The following CNNM2 variants were observed in gnomAD, a reference collection of about 807,000 sequenced individuals.
The protein encoded by CNNM2 is cyclin and CBS domain divalent metal cation transport mediator 2.
CNNM2 carries 12 observed loss-of-function variants against 66.9 expected under a neutral mutation model. The observed-to-expected ratio is 0.18, with a 90% CI of 0.11 to 0.29. CNNM2 has a LOEUF of 0.29. CNNM2 is among the 10% of genes least tolerant of loss of function. The pLI, the probability that CNNM2 is intolerant of heterozygous loss-of-function variation, is 1.00. For synonymous variants in CNNM2, 557 were observed against 501.8 expected, an observed-to-expected ratio of 1.11 and a Z score of -1.47; for missense variants, 705 against 1,167.7, an observed-to-expected ratio of 0.60 and a Z score of 5.77.
chr10:103,034,102 C>T (rs890890112), intron 1 of CNNM2, among the ~76,000 whole-genome samples: 1 of 151,444 alleles, frequency 6.6e-6, no homozygotes, highest in Admixed American at 6.6e-5. Flanking sequence ...ATTAATTTTC[C>T]TTCTAATATC....
At chr10:103,016,298 C>G (rs1218210321) in intron 1 of CNNM2, among the ~76,000 whole-genome samples, 1 of 152,142 alleles carries the variant, frequency 6.6e-6, no homozygotes, top group Admixed American at 6.5e-5. Context: ...TCTAAAAGAT[C>G]TCTTTTTAAT....
chr10:102,983,213 T>C (rs2063743199), intron 1 of CNNM2, among the ~76,000 whole-genome samples: 1 of 151,532 alleles, frequency 6.6e-6, no homozygotes, highest in Non-Finnish European at 1.5e-5. Context: ...ACAAGTTTTT[T>C]TGTGTTTTGC....
intron 1 of CNNM2, among the ~76,000 whole-genome samples, chr10:103,015,384 C>A (rs1425819292): frequency 1.3e-5 from 2 of 152,286 alleles, no homozygotes; most frequent in Admixed American, 1.3e-4. Flanking sequence ...TCTGCAGACC[C>A]TACTCAAACT....
At chr10:102,955,624 A>G (rs1451351223) in intron 1 of CNNM2, among the ~76,000 whole-genome samples, 1 of 152,240 alleles carries the variant, frequency 6.6e-6, no homozygotes, top group Non-Finnish European at 1.5e-5. Flanking sequence ...CAATCTACCC[A>G]TCTGACAAAG....
At chr10:102,963,765 T>C (rs1186220834) in intron 1 of CNNM2, among the ~76,000 whole-genome samples, 1 of 152,242 alleles carries the variant, frequency 6.6e-6, no homozygotes, top group East Asian at 1.9e-4. Context: ...GTGGGGCATA[T>C]TGAAGTTGCT....
At chr10:103,043,382 C>T (rs2134320683) in intron 1 of CNNM2, among the ~76,000 whole-genome samples, 1 of 152,358 alleles carries the variant, frequency 6.6e-6, no homozygotes, top group East Asian at 1.9e-4. Context: ...CATTTCACTT[C>T]ATTGACATCA....
chr10:103,046,976 A>G (rs963129463), intron 1 of CNNM2, among the ~76,000 whole-genome samples: 1 of 152,244 alleles, frequency 6.6e-6, no homozygotes, highest in African/African-American at 2.4e-5. Context: ...GTTTGGTCCG[A>G]AATCTTCTTT....
chr10:103,011,533 G>T (rs755946903), intron 1 of CNNM2, among the ~76,000 whole-genome samples: 1 of 151,908 alleles, frequency 6.6e-6, no homozygotes, highest in Non-Finnish European at 1.5e-5. Flanking sequence ...AATGCTTCAA[G>T]AATTAAATGA....
chr10:102,950,489 G>A lies in CNNM2; in HGVS notation c.1621+30388G>A, dbSNP rs1054613606. The stretch of plus-strand genomic sequence containing the variant: ...TTGAAGGTGATTTAGGCCTGGGTGA[G>A]GTGGCTCACATCTGTAATCTTAGCA... On this transcript the variant is annotated intron_variant, in intron 1 of 7. Transcript: ENST00000369878. Among the ~76,000 whole-genome samples the A allele has an allele frequency of 7.2e-5, 11 of 152,098 alleles. No homozygotes were observed. In the South Asian group the frequency reaches 1.2e-3, roughly 17 times the overall value.
chr10:103,009,285 G>A (rs576664501), intron 1 of CNNM2, among the ~76,000 whole-genome samples: 87 of 151,770 alleles, frequency 5.7e-4, no homozygotes, highest in African/African-American at 1.9e-3. Context: ...CAAAAAAAAC[G>A]GAAAACACAA....
At chr10:103,046,084 C>T (rs117784608) in intron 1 of CNNM2, among the ~76,000 whole-genome samples, 48 of 152,342 alleles carry the variant, frequency 3.2e-4, no homozygotes, top group Non-Finnish European at 6.0e-4. Context: ...TAGTGATCAC[C>T]CAGCCGATTC....
At chr10:103,049,425 G>A (rs1020492168) in intron 1 of CNNM2, among the ~76,000 whole-genome samples, 8 of 152,160 alleles carry the variant, frequency 5.3e-5, no homozygotes, top group African/African-American at 9.7e-5. Flanking sequence ...GGCAGTTGCC[G>A]AAAGGTTACG....
intron 1 of CNNM2, among the ~76,000 whole-genome samples, chr10:103,000,319 C>T (rs2064094728): frequency 6.6e-6 from 1 of 151,814 alleles, no homozygotes. Flanking sequence ...TGTGTGGCAT[C>T]TCCTCAAAAA....
chr10:102,941,751 T>G (rs1433299861), intron 1 of CNNM2, among the ~76,000 whole-genome samples: 3 of 152,346 alleles, frequency 2.0e-5, no homozygotes, highest in Middle Eastern at 3.4e-3. Flanking sequence ...TTTTTCTCCT[T>G]AGCCCTCTAC....
chr10:103,030,274 G>T (rs2064798605), intron 1 of CNNM2, among the ~76,000 whole-genome samples: 1 of 152,170 alleles, frequency 6.6e-6, no homozygotes, highest in Non-Finnish European at 1.5e-5. Context: ...TTTAAGCAGA[G>T]GAGTAACATG....
intron 4 of CNNM2, 23 bp from the exon 5 acceptor site, chr10:103,068,606 A>T (rs759687990): frequency 6.3e-7 from 1 of 1,595,608 alleles, no homozygotes; most frequent in South Asian, 1.1e-5. Context: ...TGGACTGAAA[A>T]TACCTGCCTT....
At chr10:102,998,688 T>C (rs2064049718) in intron 1 of CNNM2, among the ~76,000 whole-genome samples, 1 of 152,016 alleles carries the variant, frequency 6.6e-6, no homozygotes, top group Non-Finnish European at 1.5e-5. Flanking sequence ...TACAAAACTA[T>C]TAGGTTTAGG....
intron 1 of CNNM2, among the ~76,000 whole-genome samples, chr10:103,000,899 G>C (rs763409180): frequency 7.2e-5 from 11 of 152,152 alleles, no homozygotes; most frequent in Non-Finnish European, 1.5e-4. Context: ...GTTTATAATA[G>C]TATTATTCAC....
chr10:102,920,970 T>C, intron 1 of CNNM2: 1 of 430,486 alleles, frequency 2.3e-6, no homozygotes, highest in Non-Finnish European at 3.1e-6. Flanking sequence ...ATTTATTTCT[T>C]GACTCTTTCA....
Sources: allele counts gnomAD v4.1 joint callset (sites outside exome capture counted in the v4.1 genomes callset), GRCh38; gene constraint gnomAD v4.1.1; transcripts MANE v1.5; gene names NCBI Gene and HGNC (gene_info 2026-07-23, HGNC 2026-07-21).